The following FOXN3 variants were observed in gnomAD, a reference collection of about 807,000 sequenced individuals.
FOXN3 encodes forkhead box N3.
Under a neutral mutation model 38.4 loss-of-function variants are expected in FOXN3, and 7 were observed. The observed-to-expected ratio is 0.18, with a 90% CI of 0.10 to 0.34. FOXN3 has a LOEUF of 0.34. Ranked by LOEUF, FOXN3 falls within the 10% of genes least tolerant of loss-of-function variation. The pLI is 1.00. For missense variants in FOXN3, 456 were observed against 613.4 expected (o/e 0.74, Z 2.71); for synonymous variants, 230 against 242.2 (o/e 0.95, Z 0.47).
chr14:89,342,582 A>G (rs1402916565), intron 3 of FOXN3, among the ~76,000 whole-genome samples: 2 of 151,828 alleles, frequency 1.3e-5, no homozygotes, highest in Non-Finnish European at 2.9e-5. Context: ...TGCCCTTACA[A>G]TTTAAGCCTT....
intron 3 of FOXN3, among the ~76,000 whole-genome samples, chr14:89,350,091 A>G (rs921178486): frequency 5.9e-5 from 9 of 152,146 alleles, no homozygotes; most frequent in East Asian, 1.9e-4. Context: ...TTCCAATGAT[A>G]TATTTGTAAA....
At chr14:89,371,833 A>T (rs1041034212) in intron 2 of FOXN3, among the ~76,000 whole-genome samples, 2 of 151,432 alleles carry the variant, frequency 1.3e-5, no homozygotes, top group African/African-American at 4.9e-5. Flanking sequence ...AAAGACCATG[A>T]CCCCCACCAG....
intron 1 of FOXN3, among the ~76,000 whole-genome samples, chr14:89,611,570 G>A (rs1896388779): frequency 1.3e-5 from 2 of 152,214 alleles, no homozygotes. Flanking sequence ...ACTTTGGGAG[G>A]CCAAGGCGGG....
chr14:89,194,360 T>C (rs556627686), intron 4 of FOXN3, among the ~76,000 whole-genome samples: 1 of 152,262 alleles, frequency 6.6e-6, no homozygotes, highest in African/African-American at 2.4e-5. Flanking sequence ...CAAACAAAAA[T>C]AGAAGTAATC....
At chr14:89,504,388 T>C (rs1053459762) in intron 1 of FOXN3, among the ~76,000 whole-genome samples, 4 of 152,346 alleles carry the variant, frequency 2.6e-5, no homozygotes, top group Non-Finnish European at 4.4e-5. Context: ...TGGCAAGGCT[T>C]GTGAGAGAAG....
chr14:89,307,458 TATA>T lies in FOXN3; in HGVS notation c.681-26447_681-26445del, dbSNP rs1289182634. Among the ~76,000 whole-genome samples the T allele has an allele frequency of 2.9e-3, 443 of 152,256 alleles. 4 individuals carry two copies. Among genetic ancestry groups the T allele is most frequent in the African/African-American group, 9.8e-3 (405 of 41,538 alleles). On this transcript the variant is annotated intron_variant, in intron 3 of 5. Transcript: ENST00000557258. Reference sequence around the variant, plus strand: ...TGAGAGGAATATGGAATCAATTATATATATGTGTGTAAATAAGGCCGCCCACCA... The same window carrying T: ...TGAGAGGAATATGGAATCAATTATATTGTGTGTAAATAAGGCCGCCCACCA...
At chr14:89,335,077 T>TCA (rs72014136) in intron 3 of FOXN3, among the ~76,000 whole-genome samples, 5,760 of 139,210 alleles carry the variant, frequency 0.041, 116 homozygotes, top group East Asian at 0.088. Context: ...TATTTTCATA[T>TCA]CACACACACA....
intron 1 of FOXN3, among the ~76,000 whole-genome samples, chr14:89,531,519 A>G (rs889321831): frequency 1.1e-4 from 16 of 152,258 alleles, no homozygotes; most frequent in East Asian, 5.8e-4. Flanking sequence ...TTTCTTTAGG[A>G]CTTTCTCTTT....
intron 4 of FOXN3, among the ~76,000 whole-genome samples, chr14:89,278,054 C>T (rs79675075): frequency 2.6e-5 from 4 of 152,258 alleles, no homozygotes; most frequent in South Asian, 4.1e-4. Flanking sequence ...CTCCTCTACA[C>T]GACAGGGCAC....
chr14:89,342,012 T>C (rs1022033143), intron 3 of FOXN3, among the ~76,000 whole-genome samples: 3 of 152,226 alleles, frequency 2.0e-5, no homozygotes, highest in Admixed American at 1.3e-4. Flanking sequence ...TCATGAGGTA[T>C]TGGAAACACA....
At chr14:89,568,135 C>A (rs900244929) in intron 1 of FOXN3, among the ~76,000 whole-genome samples, 10 of 152,126 alleles carry the variant, frequency 6.6e-5, no homozygotes, top group Non-Finnish European at 1.0e-4. Context: ...ATTGTCACCT[C>A]CTAAATGTCA....
chr14:89,385,000 G>A (rs908667981), intron 2 of FOXN3, among the ~76,000 whole-genome samples: 1 of 152,036 alleles, frequency 6.6e-6, no homozygotes, highest in African/African-American at 2.4e-5. Context: ...CCCCTAAGTC[G>A]GCATCTTACC....
intron 1 of FOXN3, among the ~76,000 whole-genome samples, chr14:89,472,977 T>G (rs1343710364): frequency 6.6e-6 from 1 of 152,136 alleles, no homozygotes; most frequent in Non-Finnish European, 1.5e-5. Flanking sequence ...CTGCTCCAAA[T>G]GCATTTGCAT....
At chr14:89,170,512 C>G (rs951682382) in intron 5 of FOXN3, among the ~76,000 whole-genome samples, 3 of 152,144 alleles carry the variant, frequency 2.0e-5, no homozygotes, top group African/African-American at 7.2e-5. Flanking sequence ...TGTGGCCTCA[C>G]GCAATCTCCC....
At chr14:89,467,528 T>G (rs1051700143) in intron 1 of FOXN3, among the ~76,000 whole-genome samples, 1 of 151,990 alleles carries the variant, frequency 6.6e-6, no homozygotes, top group East Asian at 1.9e-4. Flanking sequence ...AATGTAAATT[T>G]TTTTTAAGTG....
chr14:89,529,076 A>G (rs1247726319), intron 1 of FOXN3, among the ~76,000 whole-genome samples: 5 of 152,172 alleles, frequency 3.3e-5, no homozygotes, highest in Non-Finnish European at 7.4e-5. Flanking sequence ...GTTTTCCACC[A>G]AAGTATCCCT....
At chr14:89,224,186 T>C (rs1252588209) in intron 4 of FOXN3, among the ~76,000 whole-genome samples, 16 of 152,226 alleles carry the variant, frequency 1.1e-4, no homozygotes, top group Admixed American at 1.0e-3. Flanking sequence ...GCTTAAGTGC[T>C]CTAAGAGGCT....
At chr14:89,613,781 T>C (rs769821315) in intron 1 of FOXN3, among the ~76,000 whole-genome samples, 2 of 152,218 alleles carry the variant, frequency 1.3e-5, no homozygotes, top group Admixed American at 1.3e-4. Context: ...TCTACTTCTA[T>C]AGACTCCTCA....
rs117557133 is a variant in FOXN3, at chr14:89,212,009, T to C, written c.746-31203A>G. Among the ~76,000 whole-genome samples the C allele has an allele frequency of 5.9e-5, 9 of 152,144 alleles. No homozygotes were observed. The East Asian group carries it at 1.7e-3, about 29-fold the overall frequency. ...AAGAGTAGCATAAGTAGTGACCACA[T>C]AAGAGAGATCTCCTCTTCCCTCTCC... On this transcript the variant is annotated intron_variant, in intron 4 of 5. Coordinates refer to ENST00000557258, the MANE Select transcript of FOXN3 (RefSeq NM_005197.4).
Sources: allele counts gnomAD v4.1 joint callset (sites outside exome capture counted in the v4.1 genomes callset), GRCh38; gene constraint gnomAD v4.1.1; transcripts MANE v1.5; gene names NCBI Gene and HGNC (gene_info 2026-07-23, HGNC 2026-07-21).